Variants in ATP10A observed in about 807,000 individuals in gnomAD.
The protein encoded by ATP10A is ATPase phospholipid transporting 10A (putative).
ATP10A carries 111 observed loss-of-function variants against 147.8 expected under a neutral mutation model. The observed-to-expected ratio is 0.75, with a 90% CI of 0.64 to 0.88. The LOEUF (loss-of-function observed/expected upper bound fraction) is 0.88, where lower values mean the gene tolerates loss of function less well. Among genes scored for constraint, ATP10A ranks in the 40% least tolerant of loss-of-function variants. ATP10A has a pLI of 0.00. For missense variants in ATP10A, 1,927 were observed against 1,959.0 expected (o/e 0.98, Z 0.31); for synonymous variants, 875 against 841.6 (o/e 1.04, Z -0.69).
intron 1 of ATP10A, among the ~76,000 whole-genome samples, chr15:25,842,985 C>T (rs963197831): frequency 1.3e-5 from 2 of 152,170 alleles, no homozygotes; most frequent in African/African-American, 4.8e-5. Flanking sequence ...TCCCAAAGTG[C>T]TAGGATTCCA....
chr15:25,796,969 A>G (rs12595335), intron 1 of ATP10A, among the ~76,000 whole-genome samples: 9,321 of 152,298 alleles, frequency 0.061, 515 homozygotes, highest in East Asian at 0.28. Context: ...CATCTCACAT[A>G]CCGATCTTTT....
intron 2 of ATP10A, among the ~76,000 whole-genome samples, chr15:25,759,001 G>C (rs1253369259): frequency 6.6e-6 from 1 of 152,084 alleles, no homozygotes; most frequent in Non-Finnish European, 1.5e-5. Context: ...TAGCCCATTG[G>C]AAGTAGTTTA....
chr15:25,681,922 T>C (rs1028219155), intron 17 of ATP10A, among the ~76,000 whole-genome samples: 14 of 151,990 alleles, frequency 9.2e-5, no homozygotes, highest in East Asian at 5.8e-4. Context: ...GGCATGGTGG[T>C]GGGCGCCTGT....
At chr15:25,695,295 A>C in intron 13 of ATP10A, 149 bp from the exon 14 acceptor site, 1 of 740,930 alleles carries the variant, frequency 1.3e-6, no homozygotes. Flanking sequence ...GAAACTGTGA[A>C]GTTCAGCCGG....
At chr15:25,716,137 G>A (rs964299032) in intron 9 of ATP10A, among the ~76,000 whole-genome samples, 2 of 152,216 alleles carry the variant, frequency 1.3e-5, no homozygotes, top group African/African-American at 4.8e-5. Flanking sequence ...AATCTTCGAT[G>A]CCCCATAAAT....
chr15:25,692,989 T>G (rs1447941087), intron 14 of ATP10A, among the ~76,000 whole-genome samples: 5 of 151,664 alleles, frequency 3.3e-5, no homozygotes, highest in Non-Finnish European at 5.9e-5. Context: ...TTAGTACAGA[T>G]GGGGTTTCGC....
intron 2 of ATP10A, among the ~76,000 whole-genome samples, chr15:25,744,908 T>C (rs1887762375): frequency 6.6e-6 from 1 of 152,140 alleles, no homozygotes; most frequent in Admixed American, 6.5e-5. Context: ...GCTGAGAATG[T>C]AGTAAATCTG....
rs138866662 is a variant in ATP10A, at chr15:25,855,107, A to C, written c.449+7541T>G. Among the ~76,000 whole-genome samples, 552 of 152,028 alleles carry C rather than the reference A, an allele frequency of 3.6e-3. 5 individuals carry two copies. The highest frequency in any genetic ancestry group is 0.011 in the African/African-American group (459 of 41,446). On this transcript the variant is annotated intron_variant, in intron 1 of 20. Coordinates refer to ENST00000555815, the MANE Select transcript of ATP10A (RefSeq NM_024490.4). ...AAAAAAGAAAATAGTGGAAACATGG[A>C]AACACTCCCCAACTCATTCTATGAG...
At chr15:25,684,407 G>A (rs74644757) in intron 16 of ATP10A, among the ~76,000 whole-genome samples, 7,709 of 152,282 alleles carry the variant, frequency 0.051, 240 homozygotes, top group East Asian at 0.13. Flanking sequence ...ATGATACTCA[G>A]CCAATGCAGC....
At chr15:25,715,058 T>C (rs1462685899) in intron 9 of ATP10A, among the ~76,000 whole-genome samples, 1 of 152,114 alleles carries the variant, frequency 6.6e-6, no homozygotes, top group Non-Finnish European at 1.5e-5. Context: ...GCTTTTTTCT[T>C]GCTCTTTATT....
intron 6 of ATP10A, among the ~76,000 whole-genome samples, chr15:25,722,905 TGTCAGGGAG>T (rs1359565629): frequency 7.2e-5 from 11 of 151,956 alleles, no homozygotes; most frequent in Non-Finnish European, 1.2e-4. Context: ...GACTGGGAGG[TGTCAGGGAG>T]GCATGCGAAT....
chr15:25,719,533 C>T (rs1333606773), intron 7 of ATP10A, among the ~76,000 whole-genome samples: 1 of 152,184 alleles, frequency 6.6e-6, no homozygotes, highest in Admixed American at 6.5e-5. Flanking sequence ...GGCTGGGCTT[C>T]AGCTGCCAAG....
chr15:25,775,580 C>CTGTGCACACACACACGTGCACACA (rs1181929789), intron 2 of ATP10A, among the ~76,000 whole-genome samples: 18 of 152,366 alleles, frequency 1.2e-4, no homozygotes, highest in African/African-American at 4.1e-4. Flanking sequence ...ACACGCACCA[C>CTGTGCACACACACACGTGCACACA]TGTGCACACA....
At chr15:25,797,337 A>C (rs965834643) in intron 1 of ATP10A, among the ~76,000 whole-genome samples, 1 of 152,220 alleles carries the variant, frequency 6.6e-6, no homozygotes, top group African/African-American at 2.4e-5. Flanking sequence ...CACAAAGTAC[A>C]TGTCTTTGTG....
chr15:25,821,594 T>C (rs1468123790), intron 1 of ATP10A, among the ~76,000 whole-genome samples: 7 of 152,124 alleles, frequency 4.6e-5, no homozygotes, highest in African/African-American at 1.7e-4. Context: ...TGGCATCCAA[T>C]TTTGGAAGGG....
chr15:25,757,531 G>A (rs983136426), intron 2 of ATP10A, among the ~76,000 whole-genome samples: 1 of 152,006 alleles, frequency 6.6e-6, no homozygotes, highest in Non-Finnish European at 1.5e-5. Flanking sequence ...GTTATTTAGA[G>A]GTTTTCTTCA....
the ATP10A span, among the ~76,000 whole-genome samples, chr15:25,672,266 T>C: frequency 6.6e-6 from 1 of 152,206 alleles, no homozygotes; most frequent in African/African-American, 2.4e-5. Flanking sequence ...CTGCCCTCCT[T>C]CACTCAGTTT....
chr15:25,760,225 A>G (rs1888686034), intron 2 of ATP10A, among the ~76,000 whole-genome samples: 1 of 152,234 alleles, frequency 6.6e-6, no homozygotes, highest in South Asian at 2.1e-4. Flanking sequence ...GATTAAGCCA[A>G]CATGGGCTTA....
Position 25,716,758 on chromosome 15 carries a change from A to G in ATP10A, c.1748T>C (p.Val583Ala), listed in dbSNP as rs1268091033. 1.3e-6 allele frequency: 2 copies of G among 1,599,096 alleles called. No homozygotes were observed. The highest frequency in any genetic ancestry group is 4.6e-5 in the East Asian group (2 of 43,590). The change falls in exon 9 of 21, where the codon GTC becomes GCC. Residue 583 changes from valine to alanine, a missense_variant. Val to Ala is a moderately conservative substitution (Grantham distance 64, BLOSUM62 0). Transcript: ENST00000555815. ...IALTICNTVV[V>A]TSPDQPRTKV... ...TGTTCGTGGCTGATCCGGGGACGTG[A>G]CGACGACTGTGTTGCAGATGGTGAG...
Sources: gnomAD v4.1 joint callset for allele counts (sites outside exome capture counted in the v4.1 genomes callset) on GRCh38, gnomAD v4.1.1 for gene constraint, MANE v1.5 for transcripts, NCBI Gene and HGNC (gene_info 2026-07-23, HGNC 2026-07-21) for gene names.